Variants in TRPM3 observed in about 807,000 individuals in gnomAD.
TRPM3 encodes the protein transient receptor potential cation channel subfamily M member 3, also known as long transient receptor potential channel 3.
TRPM3 carries 77 observed loss-of-function variants against 181.2 expected under a neutral mutation model. The ratio of observed to expected loss-of-function variants is 0.42; its 90% CI spans 0.35 to 0.51. The LOEUF (loss-of-function observed/expected upper bound fraction) is 0.51. Ranked by LOEUF, TRPM3 falls within the 20% of genes least tolerant of loss-of-function variation. The pLI, the probability that TRPM3 is intolerant of heterozygous loss-of-function variation, is 0.01. For missense variants in TRPM3, 1,759 were observed against 2,196.7 expected, an observed-to-expected ratio of 0.80 and a Z score of 3.98; for synonymous variants, 745 against 796.4, an observed-to-expected ratio of 0.94 and a Z score of 1.09.
At chr9:70,652,469 G>T (rs2059720514) in intron 9 of TRPM3, among the ~76,000 whole-genome samples, 1 of 152,078 alleles carries the variant, frequency 6.6e-6, no homozygotes, top group African/African-American at 2.4e-5. Flanking sequence ...ATCTAATGAG[G>T]AAGACAAAGG....
At chr9:70,593,045 AAG>A (rs903812422) in intron 21 of TRPM3, among the ~76,000 whole-genome samples, 2 of 152,164 alleles carry the variant, frequency 1.3e-5, no homozygotes, top group African/African-American at 4.8e-5. Context: ...TTTGTTTTAA[AAG>A]AGTGTCTGTT....
At chr9:71,320,914 T>C (rs895158101) in intron 1 of TRPM3, among the ~76,000 whole-genome samples, 5 of 152,102 alleles carry the variant, frequency 3.3e-5, no homozygotes, top group Non-Finnish European at 7.3e-5. Flanking sequence ...CCGCTACCCA[T>C]GCATAGGGCC....
At chr9:71,340,410 T>C (rs1488647485) in intron 1 of TRPM3, among the ~76,000 whole-genome samples, 1 of 152,112 alleles carries the variant, frequency 6.6e-6, no homozygotes, top group East Asian at 1.9e-4. Context: ...CCATGTGTTG[T>C]GGGAGGGACA....
At chr9:71,265,819 C>T (rs150887750) in intron 1 of TRPM3, among the ~76,000 whole-genome samples, 21 of 152,336 alleles carry the variant, frequency 1.4e-4, no homozygotes, top group African/African-American at 4.6e-4. Context: ...CATCACCTCA[C>T]CTAACCAGTG....
chr9:70,539,110 G>A (rs913428914), intron 25 of TRPM3, among the ~76,000 whole-genome samples: 1 of 152,238 alleles, frequency 6.6e-6, no homozygotes, highest in Non-Finnish European at 1.5e-5. Flanking sequence ...TAAGGCACTT[G>A]CTGCAGGAAG....
chr9:71,375,675 A>G (rs991357988), intron 1 of TRPM3, among the ~76,000 whole-genome samples: 1 of 152,138 alleles, frequency 6.6e-6, no homozygotes, highest in African/African-American at 2.4e-5. Context: ...AATTTCCAAG[A>G]AAAGAAACAT....
intron 22 of TRPM3, among the ~76,000 whole-genome samples, chr9:70,588,909 A>G (rs573516643): frequency 2.5e-4 from 38 of 152,338 alleles, no homozygotes; most frequent in African/African-American, 7.9e-4. Context: ...TTCTATATCC[A>G]TTTGAGAAAG....
intron 24 of TRPM3, among the ~76,000 whole-genome samples, chr9:70,552,513 T>A (rs1276977077): frequency 6.6e-6 from 1 of 152,180 alleles, no homozygotes; most frequent in Admixed American, 6.5e-5. Context: ...CATATTAATA[T>A]CATTGATGTA....
intron 1 of TRPM3, among the ~76,000 whole-genome samples, chr9:71,262,165 G>A (rs2083101091): frequency 6.6e-6 from 1 of 152,182 alleles, no homozygotes; most frequent in Non-Finnish European, 1.5e-5. Flanking sequence ...ATAAGCTCCT[G>A]GTGATACCCA....
At chr9:71,005,102 G>T (rs80258234) in intron 1 of TRPM3, among the ~76,000 whole-genome samples, 1,940 of 152,140 alleles carry the variant, frequency 0.013, 29 homozygotes, top group African/African-American at 0.044. Flanking sequence ...CTACAGAAAG[G>T]CAACAGCATT....
intron 1 of TRPM3, among the ~76,000 whole-genome samples, chr9:71,038,502 A>T (rs1478593847): frequency 6.6e-6 from 1 of 151,724 alleles, no homozygotes; most frequent in East Asian, 1.9e-4. Flanking sequence ...TTTCCTGTCC[A>T]CTTTTCTCTT....
intron 1 of TRPM3, among the ~76,000 whole-genome samples, chr9:70,934,021 G>A (rs539133277): frequency 6.6e-6 from 1 of 152,212 alleles, no homozygotes; most frequent in African/African-American, 2.4e-5. Context: ...GGAAGAATTG[G>A]TGACCTCACC....
chr9:70,579,914 G>A (rs1056157950), intron 22 of TRPM3, among the ~76,000 whole-genome samples: 1 of 152,180 alleles, frequency 6.6e-6, no homozygotes, highest in African/African-American at 2.4e-5. Context: ...GCTTCTGGCT[G>A]CTCAGGGTCC....
At chr9:71,096,171 G>A (rs1342922113) in intron 1 of TRPM3, among the ~76,000 whole-genome samples, 1 of 151,384 alleles carries the variant, frequency 6.6e-6, no homozygotes, top group Non-Finnish European at 1.5e-5. Flanking sequence ...AAATAGACCA[G>A]TGATCAGAAA....
intron 1 of TRPM3, among the ~76,000 whole-genome samples, chr9:71,198,750 T>C (rs1182197598): frequency 1.3e-5 from 2 of 151,006 alleles, no homozygotes; most frequent in South Asian, 2.1e-4. Context: ...TGAAGTTGCT[T>C]ATCAGCTTAA....
At chr9:71,270,943 C>T (rs1247109306) in intron 1 of TRPM3, among the ~76,000 whole-genome samples, 1 of 152,128 alleles carries the variant, frequency 6.6e-6, no homozygotes, top group Non-Finnish European at 1.5e-5. Flanking sequence ...TTGGGTGCAC[C>T]ATCTTGGAAG....
In TRPM3 at chr9:70,615,976, G is replaced by A; in HGVS notation, c.2458C>T (p.Gln820Ter). ...YMSQAQEIHL[Q>*]EKEAEEPEKP... The stretch of plus-strand genomic sequence containing the variant: ...TCTGGTTCTTCTGCCTCCTTCTCTT[G>A]GAGGTGGATTTCCTGGGCCTGAGAC... The change falls in exon 18 of 26, where the codon CAA becomes TAA. Residue 820 changes from glutamine (Q) to a stop codon, truncating the protein, a stop_gained. Transcript: ENST00000677713. LOFTEE classifies it high-confidence loss of function. The A allele has an allele frequency of 6.2e-7, 1 of 1,613,122 alleles. No homozygotes were observed. The highest frequency in any genetic ancestry group is 2.2e-5 in the East Asian group (1 of 44,818).
In TRPM3 at chr9:70,753,086, G is replaced by A. The variant is rs145936981; in HGVS notation, c.1272+8515C>T. The stretch of plus-strand genomic sequence containing the variant: ...CACACCACTGCACTCCATCCTGGGC[G>A]ACAGAGCAAGACTCTGTCTCAAAAA... On this transcript the variant is annotated intron_variant, in intron 8 of 25. Transcript: ENST00000677713. Among the ~76,000 whole-genome samples, 14 of 152,128 alleles carry A rather than the reference G, an allele frequency of 9.2e-5. No individual in the cohort carries two copies. The East Asian group carries it at 1.4e-3, about 15-fold the overall frequency.
In TRPM3 at chr9:70,577,439, A is replaced by G. The variant is rs183988071; in HGVS notation, c.3223+13592T>C. On this transcript the variant is annotated intron_variant, in intron 22 of 25. Transcript: ENST00000677713. ...GTTCTTTAACCTCTGTTCTTCATGT[A>G]GATCACTAGTAAATCAGCACTAATG... Among the ~76,000 whole-genome samples, 3 of 152,352 alleles carry G rather than the reference A, an allele frequency of 2.0e-5. No homozygotes were observed. In the East Asian group the frequency reaches 5.8e-4, roughly 29 times the overall value.
Sources: gnomAD v4.1 joint callset for allele counts (sites outside exome capture counted in the v4.1 genomes callset) on GRCh38, gnomAD v4.1.1 for gene constraint, MANE v1.5 for transcripts, NCBI Gene and HGNC (gene_info 2026-07-23, HGNC 2026-07-21) for gene names.